Variants in HECW1 observed in about 807,000 individuals in gnomAD.
The protein encoded by HECW1 is E3 ubiquitin-protein ligase HECW1.
In HECW1, 61 loss-of-function variants were observed where a neutral mutation model predicts 182.3. The observed-to-expected ratio is 0.33, with a 90% CI of 0.27 to 0.41. The LOEUF (loss-of-function observed/expected upper bound fraction) is 0.41, where lower values mean the gene tolerates loss of function less well. Among genes scored for constraint, HECW1 ranks in the 10% least tolerant of loss-of-function variants. HECW1 has a pLI of 1.00. For synonymous variants in HECW1, 859 were observed against 832.6 expected, an observed-to-expected ratio of 1.03 and a Z score of -0.55; for missense variants, 1,739 against 2,108.9, an observed-to-expected ratio of 0.82 and a Z score of 3.44.
intron 3 of HECW1, among the ~76,000 whole-genome samples, chr7:43,253,368 T>C (rs530149423): frequency 1.3e-5 from 2 of 152,158 alleles, no homozygotes; most frequent in East Asian, 1.9e-4. Flanking sequence ...ATGGTGGTGG[T>C]GATGGCGAGG....
chr7:43,236,213 C>A (rs1246029669), intron 2 of HECW1, among the ~76,000 whole-genome samples: 1 of 151,998 alleles, frequency 6.6e-6, no homozygotes. Flanking sequence ...GAAATAGACA[C>A]AAGTTAATAA....
chr7:43,334,425 C>T (rs998467965), intron 5 of HECW1, among the ~76,000 whole-genome samples: 2 of 152,244 alleles, frequency 1.3e-5, no homozygotes, highest in South Asian at 4.1e-4. Flanking sequence ...ATGTATCACA[C>T]GTTCCCAAAA....
intron 3 of HECW1, among the ~76,000 whole-genome samples, chr7:43,273,723 T>G (rs1802716322): frequency 6.6e-6 from 1 of 152,184 alleles, no homozygotes; most frequent in Admixed American, 6.5e-5. Context: ...TATAAAATGT[T>G]GAAGTTTTGT....
intron 17 of HECW1, among the ~76,000 whole-genome samples, chr7:43,490,349 C>T (rs1375400835): frequency 1.3e-5 from 2 of 152,204 alleles, no homozygotes; most frequent in Non-Finnish European, 2.9e-5. Flanking sequence ...CTTTCTGGTT[C>T]TGGTTCTGAG....
rs1354842564 is a variant in HECW1, at chr7:43,114,342, C to T, written c.-81C>T. On this transcript the variant is annotated 5_prime_UTR_variant, in exon 2 of 30. Coordinates refer to ENST00000395891, the MANE Select transcript of HECW1 (RefSeq NM_015052.5). The stretch of plus-strand genomic sequence containing the variant: ...GTCCAAGGCGTCTCAAAGCAGGTGG[C>T]CAGATCTGCGTTTCTCATCAGCAGA... 4.4e-5 allele frequency: 60 copies of T among 1,358,714 alleles called. No homozygotes were observed. The highest frequency in any genetic ancestry group is 5.7e-5 in the Non-Finnish European group (59 of 1,031,336). 84.2% of individuals were successfully genotyped at this position (1,358,714 alleles called of 1,614,324 possible). A position where few individuals can be genotyped will look rare whatever the true frequency, so the allele number is the denominator to read the frequency against.
intron 2 of HECW1, among the ~76,000 whole-genome samples, chr7:43,183,852 T>C (rs1168147390): frequency 6.6e-6 from 1 of 152,212 alleles, no homozygotes; most frequent in African/African-American, 2.4e-5. Flanking sequence ...ACTGGAAGAA[T>C]ATATCATCAA....
intron 24 of HECW1, among the ~76,000 whole-genome samples, chr7:43,516,412 CTAAAA>C (rs914331012): frequency 6.6e-6 from 1 of 152,044 alleles, no homozygotes; most frequent in Non-Finnish European, 1.5e-5. Context: ...AATATTTAAA[CTAAAA>C]TAAAATAAAT....
At chr7:43,282,454 G>A (rs2152748708) in intron 3 of HECW1, among the ~76,000 whole-genome samples, 1 of 152,322 alleles carries the variant, frequency 6.6e-6, no homozygotes, top group East Asian at 1.9e-4. Context: ...CATGTTTCTT[G>A]CCTAGTGTTC....
At chr7:43,137,235 G>A (rs565959207) in intron 2 of HECW1, among the ~76,000 whole-genome samples, 1 of 152,200 alleles carries the variant, frequency 6.6e-6, no homozygotes, top group South Asian at 2.1e-4. Context: ...CTCCCTCCCA[G>A]CAGGCATGTC....
intron 24 of HECW1, among the ~76,000 whole-genome samples, chr7:43,538,861 G>A (rs113722407): frequency 1.6e-3 from 247 of 152,292 alleles, no homozygotes; most frequent in African/African-American, 5.6e-3. Flanking sequence ...AGAATATTGT[G>A]AAGAGTGGTA....
intron 2 of HECW1, among the ~76,000 whole-genome samples, chr7:43,162,437 A>G (rs1295503574): frequency 6.6e-6 from 1 of 152,148 alleles, no homozygotes; most frequent in Non-Finnish European, 1.5e-5. Context: ...CTCCATCTCC[A>G]TGGTCTGCCT....
At chr7:43,325,519 A>G (rs1261872467) in intron 5 of HECW1, among the ~76,000 whole-genome samples, 2 of 152,116 alleles carry the variant, frequency 1.3e-5, no homozygotes, top group Non-Finnish European at 2.9e-5. Context: ...CTCCTTGTTC[A>G]TCCAATTTTA....
At chr7:43,434,549 T>C (rs2076650849) in intron 8 of HECW1, among the ~76,000 whole-genome samples, 2 of 152,226 alleles carry the variant, frequency 1.3e-5, no homozygotes, top group Admixed American at 1.3e-4. Context: ...ATCCATGTAC[T>C]GGCTTGAGGC....
At chr7:43,342,260 C>T (rs1226909831) in intron 5 of HECW1, among the ~76,000 whole-genome samples, 1 of 151,796 alleles carries the variant, frequency 6.6e-6, no homozygotes, top group Non-Finnish European at 1.5e-5. Context: ...CGTCAATGAA[C>T]ATTATTTCCA....
intron 2 of HECW1, among the ~76,000 whole-genome samples, chr7:43,143,683 C>T (rs1278052229): frequency 6.6e-6 from 1 of 152,190 alleles, no homozygotes; most frequent in African/African-American, 2.4e-5. Flanking sequence ...GCTGCTGCTT[C>T]AACTGCCCAA....
chr7:43,482,956 A>G (rs1289671575), intron 17 of HECW1, among the ~76,000 whole-genome samples: 1 of 152,188 alleles, frequency 6.6e-6, no homozygotes, highest in Non-Finnish European at 1.5e-5. Context: ...CTAGAACTTG[A>G]AAACTGGTAG....
chr7:43,194,132 A>G (rs6979980), intron 2 of HECW1, among the ~76,000 whole-genome samples: 34,386 of 151,868 alleles, frequency 0.23, 4,138 homozygotes, highest in Middle Eastern at 0.26. Context: ...GGAGGAGGGT[A>G]TCATGAGGCG....
At chr7:43,209,088 G>A (rs1339131257) in intron 2 of HECW1, among the ~76,000 whole-genome samples, 1 of 152,190 alleles carries the variant, frequency 6.6e-6, no homozygotes, top group Non-Finnish European at 1.5e-5. Flanking sequence ...TTAGGAGTGG[G>A]AGGCGGGCAG....
At chr7:43,464,864 C>T (rs1302512887) in intron 14 of HECW1, among the ~76,000 whole-genome samples, 4 of 152,024 alleles carry the variant, frequency 2.6e-5, no homozygotes, top group South Asian at 2.1e-4. Context: ...GTGCATGGTG[C>T]GATCATAGCT....
Sources: allele counts gnomAD v4.1 joint callset (sites outside exome capture counted in the v4.1 genomes callset), GRCh38; gene constraint gnomAD v4.1.1; transcripts MANE v1.5; gene names NCBI Gene and HGNC (gene_info 2026-07-23, HGNC 2026-07-21).